MFHAS1: variants seen among roughly 807,000 people sequenced by gnomAD.
MFHAS1 encodes the protein malignant fibrous histiocytoma-amplified sequence 1.
Under a neutral mutation model 70.4 loss-of-function variants are expected in MFHAS1, and 50 were observed. The observed-to-expected ratio is 0.71, with a 90% CI of 0.57 to 0.90. The LOEUF is 0.90. Among genes scored for constraint, MFHAS1 ranks in the 40% least tolerant of loss-of-function variants. The pLI is 0.00. For synonymous variants in MFHAS1, 952 were observed against 620.0 expected (o/e 1.54, Z -7.96); for missense variants, 1,795 against 1,347.6 (o/e 1.33, Z -5.20).
intron 1 of MFHAS1, among the ~76,000 whole-genome samples, chr8:8,821,121 C>T (rs765491364): frequency 6.6e-6 from 1 of 152,174 alleles, no homozygotes; most frequent in African/African-American, 2.4e-5. Context: ...GCAGGTCCAA[C>T]GGCCACTCCC....
rs571965955 is a variant in MFHAS1 at position 8,893,296 on chromosome 8, G to A, written c.-238C>T. The A allele has an allele frequency of 9.6e-3, 1,438 of 150,396 alleles. 9 individuals are homozygous for A. The highest frequency in any genetic ancestry group is 0.033 in the Middle Eastern group (10 of 304). 9.3% of individuals were successfully genotyped at this position (150,396 alleles called of 1,614,324 possible). ...GCAGCTTGCATTCTCCCTGCGGCCG[G>A]GCCATGGGCGCGCCGGGCAGCAGGG... is the stretch of plus-strand genomic sequence containing the variant. On this transcript the variant is annotated 5_prime_UTR_variant, in exon 1 of 3. Coordinates refer to ENST00000276282, the MANE Select transcript of MFHAS1 (RefSeq NM_004225.3).
chr8:8,838,879 A>G (rs1354410824), intron 1 of MFHAS1, among the ~76,000 whole-genome samples: 1 of 151,982 alleles, frequency 6.6e-6, no homozygotes, highest in African/African-American at 2.4e-5. Context: ...AGTTATTTTC[A>G]TATTTTAAAG....
At chr8:8,883,546 A>G in intron 1 of MFHAS1, among the ~76,000 whole-genome samples, 1 of 151,828 alleles carries the variant, frequency 6.6e-6, no homozygotes. Flanking sequence ...CGTTTCTACT[A>G]AAATTACAAA....
At chr8:8,809,197 T>G (rs997984228) in intron 1 of MFHAS1, among the ~76,000 whole-genome samples, 2 of 152,190 alleles carry the variant, frequency 1.3e-5, no homozygotes, top group African/African-American at 4.8e-5. Context: ...TTCCACATTA[T>G]AGTGAGTTGT....
At chr8:8,832,048 A>ACG (rs111233259) in intron 1 of MFHAS1, among the ~76,000 whole-genome samples, 14 of 116,778 alleles carry the variant, frequency 1.2e-4, no homozygotes, top group East Asian at 1.0e-3. Context: ...GCGCACATGC[A>ACG]CGCGCGCGCG....
At chr8:8,868,510 C>A (rs1007205113) in intron 1 of MFHAS1, among the ~76,000 whole-genome samples, 2 of 151,724 alleles carry the variant, frequency 1.3e-5, no homozygotes, top group Non-Finnish European at 2.9e-5. Flanking sequence ...ATGTGCCCTT[C>A]CAAACAGATA....
intron 1 of MFHAS1, among the ~76,000 whole-genome samples, chr8:8,831,312 G>A (rs144825991): frequency 2.2e-4 from 34 of 152,168 alleles, no homozygotes; most frequent in African/African-American, 7.7e-4. Flanking sequence ...CCCAAGCAAT[G>A]CCAACTTTGA....
At chr8:8,858,857 A>C (rs567420821) in intron 1 of MFHAS1, among the ~76,000 whole-genome samples, 8 of 152,308 alleles carry the variant, frequency 5.3e-5, no homozygotes, top group Middle Eastern at 3.4e-3. Context: ...CAAAGTGAAA[A>C]TATCCGTAAC....
At chr8:8,866,903 G>C (rs945605642) in intron 1 of MFHAS1, among the ~76,000 whole-genome samples, 3 of 152,126 alleles carry the variant, frequency 2.0e-5, no homozygotes, top group African/African-American at 7.2e-5. Flanking sequence ...TGCATAATTA[G>C]CCTTCTTTAG....
Position 8,891,918 on chromosome 8 carries a change from G to C in MFHAS1, c.1141C>G (p.Pro381Ala). The C allele has an allele frequency of 6.2e-7, 1 of 1,610,842 alleles. No individual in the cohort carries two copies. Among genetic ancestry groups the C allele is most frequent in the Non-Finnish European group, 8.5e-7 (1 of 1,178,252 alleles). The change falls in exon 1 of 3, where the codon CCC (proline) becomes GCC (alanine). Residue 381 changes from proline (P) to alanine (A), a missense_variant. By Grantham distance (27) the Pro-to-Ala change is conservative. Transcript: ENST00000276282. This position sits in a 1 kb window ranked among gnomAD's most constrained non-coding sequence, Gnocchi z 5.4. ...KIKDNPLIQP[P>A]YEVCMKGIPY... ...ATCCCCTTCATGCAGACCTCGTAGGGGGGCTGGATCAGTGGGTTGTCTTTG... is the reference window on the plus strand; with the variant it reads ...ATCCCCTTCATGCAGACCTCGTAGGCGGGCTGGATCAGTGGGTTGTCTTTG...
intron 1 of MFHAS1, among the ~76,000 whole-genome samples, chr8:8,819,559 A>C (rs1436470242): frequency 1.4e-5 from 2 of 147,260 alleles, no homozygotes; most frequent in Admixed American, 1.4e-4. Context: ...AGCCAAGATC[A>C]CGCCACTGCA....
chr8:8,816,749 A>C (rs1806762397), intron 1 of MFHAS1, among the ~76,000 whole-genome samples: 1 of 152,224 alleles, frequency 6.6e-6, no homozygotes. Flanking sequence ...CAGTAGGTCA[A>C]AGTAGTTAAA....
rs540688964 is a variant in MFHAS1 at position 8,843,119 on chromosome 8, A to G, written c.2999-45628T>C. 1.9e-3 allele frequency among the ~76,000 whole-genome samples: 294 copies of G among 151,800 alleles called. 1 individual carries two copies. The highest frequency in any genetic ancestry group is 6.8e-3 in the African/African-American group (283 of 41,330). On this transcript the variant is annotated intron_variant, in intron 1 of 2. Coordinates refer to ENST00000276282, the MANE Select transcript of MFHAS1 (RefSeq NM_004225.3). The stretch of plus-strand genomic sequence containing the variant: ...TCTCTACTAAAAATACAAAAAAAAA[A>G]TTAGCCGGGCGCGGTGGCGGGCGCC...
At chr8:8,799,798 C>T (rs1459490720) in intron 1 of MFHAS1, among the ~76,000 whole-genome samples, 1 of 152,242 alleles carries the variant, frequency 6.6e-6, no homozygotes, top group Non-Finnish European at 1.5e-5. Context: ...CTAAATGTCT[C>T]ATCCCCCGCA....
chr8:8,822,854 G>T (rs1807017845), intron 1 of MFHAS1, among the ~76,000 whole-genome samples: 2 of 152,162 alleles, frequency 1.3e-5, no homozygotes, highest in Admixed American at 1.3e-4. Context: ...AACCAAGTCA[G>T]GGGGACTGAG....
intron 1 of MFHAS1, among the ~76,000 whole-genome samples, chr8:8,866,731 T>G (rs921405764): frequency 5.3e-5 from 8 of 152,218 alleles, no homozygotes; most frequent in African/African-American, 1.7e-4. Flanking sequence ...TTGACTCACT[T>G]ATTTTCTGCA....
chr8:8,798,098 C>G (rs1444466823), intron 1 of MFHAS1, among the ~76,000 whole-genome samples: 1 of 152,228 alleles, frequency 6.6e-6, no homozygotes, highest in East Asian at 1.9e-4. Context: ...CATAATTAAC[C>G]TAATGGATCA....
intron 1 of MFHAS1, among the ~76,000 whole-genome samples, chr8:8,866,686 C>T (rs1026653470): frequency 3.3e-5 from 5 of 152,192 alleles, no homozygotes; most frequent in African/African-American, 1.2e-4. Flanking sequence ...TCCCTTCTCT[C>T]TCCCCAGTCT....
intron 1 of MFHAS1, among the ~76,000 whole-genome samples, chr8:8,870,360 G>T (rs1461613110): frequency 6.6e-6 from 1 of 151,982 alleles, no homozygotes; most frequent in Non-Finnish European, 1.5e-5. Flanking sequence ...AGCTAACTCG[G>T]GAGGCTGCAG....
Sources: allele counts gnomAD v4.1 joint callset (sites outside exome capture counted in the v4.1 genomes callset), GRCh38; gene constraint gnomAD v4.1.1; non-coding constraint Gnocchi (gnomAD v3.1); transcripts MANE v1.5; gene names NCBI Gene and HGNC (gene_info 2026-07-23, HGNC 2026-07-21).